AHI1: variants seen among roughly 807,000 people sequenced by gnomAD.
AHI1 encodes Abelson helper integration site 1.
In AHI1, 123 loss-of-function variants were observed where a neutral mutation model predicts 149.3. The ratio of observed to expected loss-of-function variants is 0.82; its 90% CI spans 0.71 to 0.96. The LOEUF is 0.96. Among genes scored for constraint, AHI1 ranks in the 40% least tolerant of loss-of-function variants. The pLI, the probability that AHI1 is intolerant of heterozygous loss-of-function variation, is 0.00. For missense variants in AHI1, 1,439 were observed against 1,422.7 expected, an observed-to-expected ratio of 1.01 and a Z score of -0.18; for synonymous variants, 475 against 459.8, an observed-to-expected ratio of 1.03 and a Z score of -0.42.
chr6:135,313,888 T>A lies in AHI1; in HGVS notation c.3426+4631A>T, dbSNP rs1419618849. 2.0e-5 allele frequency among the ~76,000 whole-genome samples: 3 copies of A among 152,072 alleles called. No individual in the cohort carries two copies. In the East Asian group the frequency reaches 5.8e-4, roughly 29 times the overall value. ...ACATACTAAGGGAGGGGGGGTCAGG[T>A]CACCTCAGTTTCAAAGGTTACCGTG... is the stretch of plus-strand genomic sequence containing the variant. On this transcript the variant is annotated intron_variant, in intron 26 of 28. Coordinates refer to ENST00000265602, the MANE Select transcript of AHI1 (RefSeq NM_001134831.2).
At chr6:135,443,110 C>T (rs558465548) in intron 13 of AHI1, among the ~76,000 whole-genome samples, 9 of 152,260 alleles carry the variant, frequency 5.9e-5, no homozygotes, top group Non-Finnish European at 1.0e-4. Context: ...ACCACAAGTA[C>T]CTATGGGGCC....
At chr6:135,353,028 G>T (rs560628442) in intron 24 of AHI1, among the ~76,000 whole-genome samples, 49 of 151,532 alleles carry the variant, frequency 3.2e-4, no homozygotes, top group Non-Finnish European at 6.5e-4. Flanking sequence ...AAGAGAAATG[G>T]AGGAAAAAAA....
chr6:135,377,862 A>G (rs1356192372), intron 23 of AHI1, among the ~76,000 whole-genome samples: 1 of 152,140 alleles, frequency 6.6e-6, no homozygotes, highest in African/African-American at 2.4e-5. Flanking sequence ...GATTTATCAG[A>G]TCACCTTCCT....
At chr6:135,447,286 A>T in intron 12 of AHI1, 126 bp from the exon 13 acceptor site, 1 of 686,720 alleles carries the variant, frequency 1.5e-6, no homozygotes, top group South Asian at 5.5e-5. Flanking sequence ...CCAGAAAAAA[A>T]TTCTACTTTT....
chr6:135,485,632 A>G (rs1166513355), intron 5 of AHI1, among the ~76,000 whole-genome samples: 2 of 152,104 alleles, frequency 1.3e-5, no homozygotes, highest in African/African-American at 4.8e-5. Context: ...TGTAGTTTCT[A>G]TGTAGGTGAT....
intron 27 of AHI1, among the ~76,000 whole-genome samples, chr6:135,292,493 C>T (rs1323776599): frequency 1.3e-5 from 2 of 152,126 alleles, no homozygotes; most frequent in Non-Finnish European, 2.9e-5. Context: ...AACAACAAAC[C>T]TGAACAAAAC....
Position 135,394,814 on chromosome 6 carries a change from G to A in AHI1, c.3071C>T (p.Ala1024Val). 1 of 1,609,666 alleles carries A rather than the reference G, an allele frequency of 6.2e-7. No individual in the cohort carries two copies. The highest frequency in any genetic ancestry group is 8.5e-7 in the Non-Finnish European group (1 of 1,177,660). Residue 1024 changes from alanine to valine, a missense_variant, in exon 23 of 29, where the codon GCT (alanine) becomes GTT (valine). Ala to Val is a moderately conservative substitution (Grantham distance 64). Coordinates refer to ENST00000265602, the MANE Select transcript of AHI1 (RefSeq NM_001134831.2). ...ACCAAACTGATGTAGAATCTCTTGAGCGGTCAGCATGTTTGACTGCTTTAA... is the reference window on the plus strand; with the variant it reads ...ACCAAACTGATGTAGAATCTCTTGAACGGTCAGCATGTTTGACTGCTTTAA... ...SKLKQSNMLT[A>V]QEILHQFGFT...
chr6:135,333,775 A>C (rs1468721496), intron 24 of AHI1, among the ~76,000 whole-genome samples: 1 of 152,212 alleles, frequency 6.6e-6, no homozygotes, highest in Non-Finnish European at 1.5e-5. Context: ...CCAAGGTTTA[A>C]GTACTCAGAT....
intron 24 of AHI1, among the ~76,000 whole-genome samples, chr6:135,325,983 G>T (rs56392740): frequency 2.6e-5 from 4 of 152,266 alleles, no homozygotes; most frequent in East Asian, 1.9e-4. Flanking sequence ...CTTGATAAAA[G>T]AATCCCTTCA....
Position 135,497,674 on chromosome 6 carries a change from G to C in AHI1, c.-293C>G, listed in dbSNP as rs1032425277. The C allele has an allele frequency of 1.2e-5, 2 of 163,866 alleles. No homozygotes were observed. Among genetic ancestry groups the C allele is most frequent in the African/African-American group, 2.4e-5 (1 of 41,536 alleles). The allele number at this position is 163,866 out of a possible 1,614,324, so 10.2% of individuals were successfully genotyped here. Reference sequence around the variant, plus strand: ...CCCAGCCTAGCGGCGCGTGCGCGAAGTGAGGCGGCCACGCAGCCACCTAAC... The same window carrying C: ...CCCAGCCTAGCGGCGCGTGCGCGAACTGAGGCGGCCACGCAGCCACCTAAC... On this transcript the variant is annotated 5_prime_UTR_variant, in exon 1 of 29. Coordinates refer to ENST00000265602, the MANE Select transcript of AHI1 (RefSeq NM_001134831.2).
chr6:135,334,002 A>G (rs1353206694), intron 24 of AHI1, among the ~76,000 whole-genome samples: 1 of 152,226 alleles, frequency 6.6e-6, no homozygotes, highest in Non-Finnish European at 1.5e-5. Flanking sequence ...CTGCAATAAT[A>G]TATAGGAAAA....
intron 11 of AHI1, among the ~76,000 whole-genome samples, chr6:135,450,121 G>A (rs535292411): frequency 1.3e-5 from 2 of 152,248 alleles, no homozygotes; most frequent in East Asian, 3.9e-4. Context: ...GAAACCATGA[G>A]TAAGACTGAT....
At position 135,323,319 on chromosome 6, in the gene AHI1, C is replaced by T; in HGVS notation, c.3171G>A (p.Val1057=). The change falls in exon 25 of 29, where the codon GTG becomes GTA. Residue 1057 remains valine, a synonymous_variant. Coordinates refer to ENST00000265602, the MANE Select transcript of AHI1 (RefSeq NM_001134831.2). ...NHQVDTAPTV[V]ALYDYTANRS... ...GATTCGCTGTGTAGTCATAAAGAGC[C>T]ACTACCTAAGAGAGAGATAAGACCA... 1 of 1,613,208 alleles carries T rather than the reference C, an allele frequency of 6.2e-7. No homozygotes were observed. Among genetic ancestry groups the T allele is most frequent in the Non-Finnish European group, 8.5e-7 (1 of 1,179,566 alleles).
At chr6:135,364,492 C>T (rs1364407250) in intron 23 of AHI1, among the ~76,000 whole-genome samples, 8 of 149,964 alleles carry the variant, frequency 5.3e-5, no homozygotes, top group South Asian at 2.1e-4. Context: ...GACGGGGTGG[C>T]GGCCGGGCAG....
chr6:135,359,230 T>C (rs1004026603), intron 23 of AHI1, among the ~76,000 whole-genome samples: 2 of 152,228 alleles, frequency 1.3e-5, no homozygotes, highest in African/African-American at 4.8e-5. Flanking sequence ...GTAACATTTA[T>C]TGTTAGCCAG....
chr6:135,294,595 A>C (rs537002485), intron 27 of AHI1, among the ~76,000 whole-genome samples: 21 of 151,578 alleles, frequency 1.4e-4, no homozygotes, highest in African/African-American at 4.6e-4. Flanking sequence ...AAACAGACCC[A>C]CATATATATT....
intron 11 of AHI1, among the ~76,000 whole-genome samples, chr6:135,451,489 T>C (rs1434274370): frequency 5.9e-5 from 9 of 152,150 alleles, no homozygotes; most frequent in Admixed American, 5.2e-4. Flanking sequence ...ACTAAAAATG[T>C]TCAACATATT....
intron 24 of AHI1, 61 bp from the exon 25 acceptor site, chr6:135,323,385 A>C: frequency 6.5e-7 from 1 of 1,532,950 alleles, no homozygotes. Flanking sequence ...AAAACCCCCA[A>C]CATTCACTTC....
chr6:135,446,584 G>A (rs1787263533), intron 13 of AHI1, among the ~76,000 whole-genome samples: 1 of 152,214 alleles, frequency 6.6e-6, no homozygotes, highest in South Asian at 2.1e-4. Flanking sequence ...AAAGACGCGA[G>A]AAAGGTGATC....
Sources: gnomAD v4.1 joint callset for allele counts (sites outside exome capture counted in the v4.1 genomes callset) on GRCh38, gnomAD v4.1.1 for gene constraint, MANE v1.5 for transcripts, NCBI Gene and HGNC (gene_info 2026-07-23, HGNC 2026-07-21) for gene names.